Variants in DOCK9 observed in about 807,000 individuals in gnomAD.
DOCK9 encodes the protein dedicator of cytokinesis 9.
DOCK9 carries 89 observed loss-of-function variants against 263.3 expected under a neutral mutation model. That is an observed-to-expected ratio of 0.34 (90% CI 0.28 to 0.40). DOCK9 has a LOEUF of 0.40. Among genes scored for constraint, DOCK9 ranks in the 10% least tolerant of loss-of-function variants. The pLI is 1.00. For missense variants in DOCK9, 2,140 were observed against 2,603.4 expected, an observed-to-expected ratio of 0.82 and a Z score of 3.87; for synonymous variants, 976 against 973.1, an observed-to-expected ratio of 1.00 and a Z score of -0.06.
chr13:99,071,436 A>C (rs2041675845), intron 1 of DOCK9, among the ~76,000 whole-genome samples: 1 of 149,676 alleles, frequency 6.7e-6, no homozygotes. Context: ...GTGCCCTGCT[A>C]TTACACTCTA....
intron 18 of DOCK9, among the ~76,000 whole-genome samples, chr13:98,887,729 T>G (rs2046002272): frequency 6.6e-6 from 1 of 151,748 alleles, no homozygotes; most frequent in Non-Finnish European, 1.5e-5. Flanking sequence ...ACAAACAGCT[T>G]TCAATAAAAG....
intron 9 of DOCK9, among the ~76,000 whole-genome samples, chr13:98,905,839 A>C (rs1272273807): frequency 6.6e-6 from 1 of 151,664 alleles, no homozygotes; most frequent in African/African-American, 2.4e-5. Context: ...GCAACCTTTT[A>C]GGTAAGAGAA....
chr13:98,883,949 C>T (rs773763523), intron 21 of DOCK9, 50 bp from the exon 22 acceptor site: 51 of 1,395,472 alleles, frequency 3.7e-5, no homozygotes, highest in Middle Eastern at 1.8e-4. Flanking sequence ...GTTATTTTGG[C>T]TCTAACATGA....
At chr13:99,027,898 A>T (rs1886939083) in intron 1 of DOCK9, among the ~76,000 whole-genome samples, 1 of 152,222 alleles carries the variant, frequency 6.6e-6, no homozygotes, top group Admixed American at 6.5e-5. Context: ...TAAGCAGGTG[A>T]CCCAGCGGAA....
chr13:98,986,544 C>T (rs1273341656), intron 1 of DOCK9, among the ~76,000 whole-genome samples: 1 of 152,178 alleles, frequency 6.6e-6, no homozygotes, highest in African/African-American at 2.4e-5. Flanking sequence ...ATAACAGCTC[C>T]CCAACAATCA....
intron 2 of DOCK9, among the ~76,000 whole-genome samples, chr13:98,949,414 TCACAA>T (rs761395134): frequency 6.6e-6 from 1 of 152,088 alleles, no homozygotes; most frequent in Non-Finnish European, 1.5e-5. Flanking sequence ...AGTTACTCAT[TCACAA>T]TAATAAACCA....
At chr13:99,071,629 G>A (rs904714710) in intron 1 of DOCK9, among the ~76,000 whole-genome samples, 1 of 152,072 alleles carries the variant, frequency 6.6e-6, no homozygotes, top group East Asian at 1.9e-4. Context: ...AGGCAGTAGA[G>A]GTGGAGGGTG....
chr13:98,819,543 C>T (rs2092132154), intron 45 of DOCK9, among the ~76,000 whole-genome samples: 2 of 152,160 alleles, frequency 1.3e-5, no homozygotes, highest in South Asian at 4.1e-4. Flanking sequence ...CCAAGGAAGC[C>T]CAGTCCACAT....
intron 1 of DOCK9, among the ~76,000 whole-genome samples, chr13:99,055,723 C>G (rs1056031420): frequency 6.6e-6 from 1 of 151,936 alleles, no homozygotes; most frequent in Non-Finnish European, 1.5e-5. Flanking sequence ...ATATTGCACA[C>G]AGTTGTCAAC....
chr13:99,083,184 G>A (rs940329199), intron 1 of DOCK9, among the ~76,000 whole-genome samples: 1 of 151,872 alleles, frequency 6.6e-6, no homozygotes, highest in African/African-American at 2.4e-5. Flanking sequence ...GAATCTGGGA[G>A]GCGGAGGTTG....
intron 1 of DOCK9, among the ~76,000 whole-genome samples, chr13:99,073,926 C>G (rs2142397995): frequency 6.6e-6 from 1 of 152,320 alleles, no homozygotes; most frequent in Admixed American, 6.5e-5. Flanking sequence ...ATTATCAAAC[C>G]ATCCTTTGCT....
intron 1 of DOCK9, among the ~76,000 whole-genome samples, chr13:98,971,703 A>G (rs1189394643): frequency 2.0e-5 from 3 of 152,166 alleles, no homozygotes; most frequent in Non-Finnish European, 4.4e-5. Flanking sequence ...GCGAGACTCC[A>G]TCTCAAAAAG....
intron 27 of DOCK9, among the ~76,000 whole-genome samples, chr13:98,870,863 G>A: frequency 6.9e-6 from 1 of 145,596 alleles, no homozygotes; most frequent in Admixed American, 7.0e-5. Flanking sequence ...AATTCTGCTG[G>A]ACAAATGACC....
rs1475789960 is a variant in DOCK9 at position 98,939,005 on chromosome 13, C to T, written c.244-8748G>A. 4.6e-5 allele frequency among the ~76,000 whole-genome samples: 7 copies of T among 152,180 alleles called. No homozygotes were observed. The South Asian group carries it at 1.2e-3, about 27-fold the overall frequency. On this transcript the variant is annotated intron_variant, in intron 2 of 52. Transcript: ENST00000682017. ...GCAGAGAGCTGGGAGTGTCCTCCCT[C>T]AACAGAGAAACAAACACCAGGGACA...
At chr13:98,843,125 G>A (rs977347279) in intron 38 of DOCK9, among the ~76,000 whole-genome samples, 4 of 152,048 alleles carry the variant, frequency 2.6e-5, no homozygotes, top group Non-Finnish European at 4.4e-5. Flanking sequence ...CAGAAATAGC[G>A]GAAATGAACA....
intron 11 of DOCK9, 62 bp downstream of exon 11, chr13:98,902,910 A>T: frequency 7.2e-7 from 1 of 1,395,780 alleles, no homozygotes; most frequent in Non-Finnish European, 9.4e-7. Flanking sequence ...TGCACTGTAA[A>T]GGTACATCTG....
intron 1 of DOCK9, among the ~76,000 whole-genome samples, chr13:99,059,200 A>C (rs2041070346): frequency 6.6e-6 from 1 of 152,178 alleles, no homozygotes; most frequent in South Asian, 2.1e-4. Context: ...AGTCGAGTCC[A>C]AGAATTTGCA....
At position 98,911,748 on chromosome 13, in the gene DOCK9, T is replaced by G. The variant is rs2050079623; in HGVS notation, c.960+2580A>C. Among the ~76,000 whole-genome samples the G allele has an allele frequency of 3.3e-5, 5 of 151,746 alleles. 1 individual carries two copies. Among genetic ancestry groups the G allele is most frequent in the Middle Eastern group, 6.8e-3 (2 of 294 alleles). ...CCTGTCTCTACTAGAAATACAAAAA[T>G]TAGCTAGGCATGGTGGCAGGTGCCA... On this transcript the variant is annotated intron_variant, in intron 9 of 52. Coordinates refer to ENST00000682017, the MANE Select transcript of DOCK9 (RefSeq NM_001366683.2).
intron 7 of DOCK9, among the ~76,000 whole-genome samples, chr13:98,919,559 T>A (rs1877159927): frequency 6.6e-6 from 1 of 152,250 alleles, no homozygotes; most frequent in South Asian, 2.1e-4. Context: ...CAGGCTGATG[T>A]GATCAGCCAT....
Sources: allele counts gnomAD v4.1 joint callset (sites outside exome capture counted in the v4.1 genomes callset), GRCh38; gene constraint gnomAD v4.1.1; transcripts MANE v1.5; gene names NCBI Gene and HGNC (gene_info 2026-07-23, HGNC 2026-07-21).